BRD10: variants seen among roughly 807,000 people sequenced by gnomAD.
BRD10 encodes uncharacterized bromodomain-containing protein 10.
chr9:5,953,929 T>C, the BRD10 span: 1 of 756,248 alleles, frequency 1.3e-6, no homozygotes, highest in Non-Finnish European at 2.3e-6. Flanking sequence ...TGCTACAGTT[T>C]CTTGGAATTC....
At chr9:5,954,793 A>G in the BRD10 span, among the ~76,000 whole-genome samples, 4 of 152,300 alleles carry the variant, frequency 2.6e-5, no homozygotes, top group South Asian at 6.2e-4. Context: ...ATACATGCAT[A>G]AAAATTCTAT....
the BRD10 span, chr9:5,897,595 T>A: frequency 3.1e-6 from 5 of 1,614,018 alleles, no homozygotes; most frequent in Non-Finnish European, 4.2e-6. Flanking sequence ...ATCCTGGGAG[T>A]CTTACTGCTC....
the BRD10 span, among the ~76,000 whole-genome samples, chr9:5,947,524 A>G: frequency 2.0e-5 from 3 of 152,118 alleles, no homozygotes; most frequent in African/African-American, 7.2e-5. Context: ...TTCTGAGGTT[A>G]TATTAAAATG....
the BRD10 span, chr9:5,891,279 A>T: frequency 6.6e-6 from 1 of 152,186 alleles, no homozygotes; most frequent in South Asian, 2.1e-4. Context: ...TTGCTGCACC[A>T]TTTGCCAAGG....
chr9:5,981,128 C>G, the BRD10 span, among the ~76,000 whole-genome samples: 30,488 of 152,138 alleles, frequency 0.2, 3,213 homozygotes, highest in South Asian at 0.3. Context: ...TAAGGTTTAT[C>G]TGTATCAATA....
chr9:5,941,597 A>G, the BRD10 span, among the ~76,000 whole-genome samples: 12 of 152,202 alleles, frequency 7.9e-5, no homozygotes, highest in African/African-American at 2.9e-4. Flanking sequence ...TCAGAAAATT[A>G]AAAGCATTTT....
At chr9:5,880,664 C>CTGA in the BRD10 span, among the ~76,000 whole-genome samples, 1 of 151,952 alleles carries the variant, frequency 6.6e-6, no homozygotes, top group Non-Finnish European at 1.5e-5. Context: ...CAGTTTCTAC[C>CTGA]TGATCCCTTT....
the BRD10 span, chr9:5,988,278 C>A: frequency 1.7e-6 from 2 of 1,195,022 alleles, no homozygotes; most frequent in African/African-American, 3.0e-5. Context: ...AAAATGGGCC[C>A]AGAAATCTGA....
the BRD10 span, among the ~76,000 whole-genome samples, chr9:5,881,364 C>T: frequency 0.63 from 95,625 of 152,094 alleles, 31,694 homozygotes; most frequent in Non-Finnish European, 0.75. Flanking sequence ...TAGAGTTGGC[C>T]GCTATGAAGG....
the BRD10 span, among the ~76,000 whole-genome samples, chr9:5,918,661 C>A: frequency 7.4e-6 from 1 of 136,018 alleles, no homozygotes. Flanking sequence ...TTTTTTTTGC[C>A]ATTAGTGGCA....
chr9:5,894,069 C>A, the BRD10 span, among the ~76,000 whole-genome samples: 1 of 152,156 alleles, frequency 6.6e-6, no homozygotes, highest in Non-Finnish European at 1.5e-5. The surrounding 1 kb of genome is among the most constrained non-coding windows in gnomAD (Gnocchi z 4.0). Flanking sequence ...AAGTGTTATG[C>A]TGCAGGCCAG....
the BRD10 span, among the ~76,000 whole-genome samples, chr9:5,994,189 T>A: frequency 5.3e-5 from 8 of 152,178 alleles, no homozygotes; most frequent in Admixed American, 1.3e-4. Context: ...AAAAATTTTT[T>A]AAATATGCTT....
chr9:5,966,871 A>C, the BRD10 span, among the ~76,000 whole-genome samples: 1 of 152,162 alleles, frequency 6.6e-6, no homozygotes. Flanking sequence ...ACTTTTAAAC[A>C]TTGTGGTTTT....
the BRD10 span, among the ~76,000 whole-genome samples, chr9:5,884,707 T>C: frequency 6.6e-6 from 1 of 152,202 alleles, no homozygotes; most frequent in Non-Finnish European, 1.5e-5. Flanking sequence ...TATTAGATAT[T>C]GTAGTGAACC....
At chr9:6,007,761 C>T in the BRD10 span, 4 of 1,574,224 alleles carry the variant, frequency 2.5e-6, no homozygotes, top group African/African-American at 2.7e-5. Flanking sequence ...CCGGCTCCAT[C>T]GCTCCCGGCG....
chr9:6,003,381 A>G, the BRD10 span, among the ~76,000 whole-genome samples: 2 of 152,186 alleles, frequency 1.3e-5, no homozygotes, highest in Non-Finnish European at 2.9e-5. Context: ...GACGTTCTCT[A>G]AAGTTCTTTT....
chr9:5,961,098 C>T, the BRD10 span, among the ~76,000 whole-genome samples: 1 of 152,154 alleles, frequency 6.6e-6, no homozygotes, highest in African/African-American at 2.4e-5. Context: ...TATATTCCCA[C>T]ACAATGCATC....
At chr9:5,935,046 T>C in the BRD10 span, among the ~76,000 whole-genome samples, 1 of 152,170 alleles carries the variant, frequency 6.6e-6, no homozygotes, top group Non-Finnish European at 1.5e-5. Context: ...AACATCATGT[T>C]AATCATGTTG....
the BRD10 span, chr9:5,968,284 A>T: frequency 1.2e-6 from 2 of 1,612,102 alleles, no homozygotes; most frequent in Admixed American, 3.3e-5. Context: ...CTGGATGATC[A>T]CTGTGACTTC....
Sources: allele counts gnomAD v4.1 joint callset (sites outside exome capture counted in the v4.1 genomes callset), GRCh38; gene constraint gnomAD v4.1.1; non-coding constraint Gnocchi (gnomAD v3.1); transcripts MANE v1.5; gene names NCBI Gene and HGNC (gene_info 2026-07-23, HGNC 2026-07-21).